The following PTPRD variants were observed in gnomAD, a reference collection of about 807,000 sequenced individuals.
PTPRD encodes the protein protein tyrosine phosphatase receptor type D, also known as receptor-type tyrosine-protein phosphatase delta.
In PTPRD, 34 loss-of-function variants were observed where a neutral mutation model predicts 214.5. That is an observed-to-expected ratio of 0.16 (90% CI 0.12 to 0.21). PTPRD has a LOEUF of 0.21. PTPRD is among the 10% of genes least tolerant of loss of function. PTPRD has a pLI of 1.00. For missense variants in PTPRD, 2,545 were observed against 2,398.7 expected, an observed-to-expected ratio of 1.06 and a Z score of -1.27; for synonymous variants, 1,128 against 845.7, an observed-to-expected ratio of 1.33 and a Z score of -5.79.
intron 11 of PTPRD, among the ~76,000 whole-genome samples, chr9:8,927,670 G>A (rs537568012): frequency 2.0e-5 from 3 of 152,260 alleles, no homozygotes; most frequent in East Asian, 1.9e-4. Flanking sequence ...ATAAACATAT[G>A]TGTGCATGTG....
intron 21 of PTPRD, among the ~76,000 whole-genome samples, chr9:8,510,833 T>G (rs981797077): frequency 2.6e-5 from 4 of 152,104 alleles, no homozygotes; most frequent in African/African-American, 9.7e-5. Context: ...ATGAATGTAT[T>G]TTTAAATTCC....
intron 3 of PTPRD, among the ~76,000 whole-genome samples, chr9:10,324,366 A>G (rs186529385): frequency 1.1e-3 from 163 of 152,180 alleles, no homozygotes; most frequent in Middle Eastern, 0.01. Flanking sequence ...TTTAACACAC[A>G]GGGTTTAGAA....
chr9:9,657,236 T>A (rs2096535930), intron 7 of PTPRD, among the ~76,000 whole-genome samples: 1 of 151,990 alleles, frequency 6.6e-6, no homozygotes, highest in Non-Finnish European at 1.5e-5. Flanking sequence ...AGACAAATTA[T>A]CTATGGTTTC....
chr9:8,361,335 A>G (rs1259916232), intron 39 of PTPRD, among the ~76,000 whole-genome samples: 1 of 152,208 alleles, frequency 6.6e-6, no homozygotes, highest in East Asian at 1.9e-4. Flanking sequence ...AAAGGTGCTG[A>G]GTGAAAATTT....
At chr9:8,857,789 C>G (rs1317263205) in intron 11 of PTPRD, 1 of 155,668 alleles carries the variant, frequency 6.4e-6, no homozygotes, top group South Asian at 1.8e-4. Context: ...CCGCCGAAGC[C>G]CCCCTGGTCG....
At chr9:9,769,111 AAG>A (rs2098730488) in intron 5 of PTPRD, among the ~76,000 whole-genome samples, 1 of 152,168 alleles carries the variant, frequency 6.6e-6, no homozygotes, top group African/African-American at 2.4e-5. Flanking sequence ...AGAAGACAAA[AAG>A]AAAAAATGAA....
intron 7 of PTPRD, among the ~76,000 whole-genome samples, chr9:9,576,966 T>A (rs2154306999): frequency 6.6e-6 from 1 of 152,288 alleles, no homozygotes; most frequent in East Asian, 1.9e-4. Context: ...TATCTATATT[T>A]GAAACTGAAT....
intron 14 of PTPRD, among the ~76,000 whole-genome samples, chr9:8,613,247 C>A (rs551048933): frequency 1.3e-5 from 2 of 152,156 alleles, no homozygotes; most frequent in East Asian, 3.9e-4. Flanking sequence ...AGTTACTCTG[C>A]AAATGTTTTA....
intron 10 of PTPRD, among the ~76,000 whole-genome samples, chr9:9,033,775 T>G (rs1250187141): frequency 6.6e-6 from 1 of 152,044 alleles, no homozygotes; most frequent in African/African-American, 2.4e-5. Flanking sequence ...TTACACTATC[T>G]CAGGCATGAA....
intron 14 of PTPRD, among the ~76,000 whole-genome samples, chr9:8,537,163 G>A (rs1202597687): frequency 6.6e-6 from 1 of 151,752 alleles, no homozygotes; most frequent in Non-Finnish European, 1.5e-5. Flanking sequence ...ATTGAATAAG[G>A]GACTGAAAAC....
chr9:8,331,132 G>C (rs1196063162), intron 44 of PTPRD, among the ~76,000 whole-genome samples: 3 of 151,922 alleles, frequency 2.0e-5, no homozygotes, highest in East Asian at 3.9e-4. Context: ...TTTTAACTGA[G>C]GTACCATACT....
chr9:10,124,600 C>T (rs969379320), intron 3 of PTPRD, among the ~76,000 whole-genome samples: 19 of 152,116 alleles, frequency 1.2e-4, no homozygotes, highest in African/African-American at 4.6e-4. Flanking sequence ...TATATGTCTC[C>T]TGCACTTTTT....
chr9:10,202,170 A>T (rs1023195988), intron 3 of PTPRD, among the ~76,000 whole-genome samples: 4 of 152,098 alleles, frequency 2.6e-5, no homozygotes, highest in African/African-American at 9.7e-5. Context: ...ATTTAGTAAA[A>T]TATATGCTGC....
intron 8 of PTPRD, among the ~76,000 whole-genome samples, chr9:9,451,182 G>A (rs755938898): frequency 7.3e-5 from 11 of 151,570 alleles, no homozygotes; most frequent in Non-Finnish European, 1.5e-4. Context: ...ATACACAGAA[G>A]GAAAAGCCCA....
chr9:10,260,637 G>A (rs2093630425), intron 3 of PTPRD, among the ~76,000 whole-genome samples: 1 of 152,128 alleles, frequency 6.6e-6, no homozygotes, highest in Non-Finnish European at 1.5e-5. Flanking sequence ...GCAGTAGTGT[G>A]GTAGTGAATG....
At chr9:9,785,230 A>G (rs535712288) in intron 5 of PTPRD, among the ~76,000 whole-genome samples, 98 of 152,184 alleles carry the variant, frequency 6.4e-4, no homozygotes, top group African/African-American at 2.3e-3. Flanking sequence ...AGGAAACACT[A>G]CAGTAGTAAT....
intron 9 of PTPRD, among the ~76,000 whole-genome samples, chr9:9,229,841 C>T (rs1025783483): frequency 7.9e-5 from 12 of 151,974 alleles, no homozygotes; most frequent in Non-Finnish European, 1.5e-4. Flanking sequence ...AACACTGATA[C>T]TTCATATTTG....
At chr9:8,709,308 A>C (rs1293105125) in intron 12 of PTPRD, among the ~76,000 whole-genome samples, 1 of 151,888 alleles carries the variant, frequency 6.6e-6, no homozygotes, top group East Asian at 1.9e-4. Flanking sequence ...AGGTCAGGAG[A>C]TCGAGACCAT....
intron 5 of PTPRD, among the ~76,000 whole-genome samples, chr9:9,862,778 T>A (rs1470984133): frequency 6.6e-6 from 1 of 151,894 alleles, no homozygotes; most frequent in Non-Finnish European, 1.5e-5. Context: ...TTAACCAAAG[T>A]ATGTATTGGA....
Sources: gnomAD v4.1 joint callset for allele counts (sites outside exome capture counted in the v4.1 genomes callset) on GRCh38, gnomAD v4.1.1 for gene constraint, MANE v1.5 for transcripts, NCBI Gene and HGNC (gene_info 2026-07-23, HGNC 2026-07-21) for gene names.